SLC4A10: variants seen among roughly 807,000 people sequenced by gnomAD.
SLC4A10 encodes solute carrier family 4 member 10.
A neutral mutation model predicts 137.7 loss-of-function variants in SLC4A10; 42 were observed. The observed-to-expected ratio is 0.30, with a 90% CI of 0.24 to 0.39. The LOEUF (loss-of-function observed/expected upper bound fraction) is 0.39. Ranked by LOEUF, SLC4A10 falls within the 10% of genes least tolerant of loss-of-function variation. The pLI, the probability that SLC4A10 is intolerant of heterozygous loss-of-function variation, is 1.00. For synonymous variants in SLC4A10, 474 were observed against 464.1 expected (o/e 1.02, Z -0.27); for missense variants, 925 against 1,355.0 (o/e 0.68, Z 4.98).
At chr2:161,835,927 A>G (rs2058736343) in intron 3 of SLC4A10, among the ~76,000 whole-genome samples, 1 of 152,248 alleles carries the variant, frequency 6.6e-6, no homozygotes, top group Non-Finnish European at 1.5e-5. Context: ...TGGTTGAGGT[A>G]TATACTGTAG....
At chr2:161,823,147 C>G (rs185904493) in intron 3 of SLC4A10, among the ~76,000 whole-genome samples, 3 of 152,202 alleles carry the variant, frequency 2.0e-5, no homozygotes, top group African/African-American at 7.2e-5. Context: ...ACCATAAAAT[C>G]TACACAAATC....
In SLC4A10 at chr2:161,974,230, T is replaced by C; in HGVS notation, c.3160-19T>C. 6.3e-7 allele frequency: 1 copy of C among 1,586,510 alleles called. No individual in the cohort carries two copies. The highest frequency in any genetic ancestry group is 8.6e-7 in the Non-Finnish European group (1 of 1,165,520). Reference sequence around the variant, plus strand: ...GACTCATCAGGTTCACTTTATATACTTTACATTTGTCTTTTCAGGAAGAAC... The same window carrying C: ...GACTCATCAGGTTCACTTTATATACCTTACATTTGTCTTTTCAGGAAGAAC... On this transcript the variant is annotated intron_variant, in intron 23 of 26. Coordinates refer to ENST00000446997, the MANE Select transcript of SLC4A10 (RefSeq NM_001178015.2).
intron 15 of SLC4A10, among the ~76,000 whole-genome samples, chr2:161,915,192 C>T (rs191038565): frequency 6.6e-6 from 1 of 152,170 alleles, no homozygotes; most frequent in East Asian, 1.9e-4. Context: ...GGCAACTTGA[C>T]TTCAGAAGAG....
At chr2:161,859,669 C>T (rs1424066248) in intron 5 of SLC4A10, among the ~76,000 whole-genome samples, 2 of 133,658 alleles carry the variant, frequency 1.5e-5, no homozygotes, top group African/African-American at 2.9e-5. Flanking sequence ...GGCGCAATCT[C>T]GGCTCACTGC....
At chr2:161,826,213 C>T (rs1006992056) in intron 3 of SLC4A10, among the ~76,000 whole-genome samples, 2 of 152,068 alleles carry the variant, frequency 1.3e-5, no homozygotes, top group Non-Finnish European at 2.9e-5. Context: ...AACAGAACTA[C>T]CAAACTTGTC....
At chr2:161,927,370 A>G (rs556715304) in intron 15 of SLC4A10, among the ~76,000 whole-genome samples, 1 of 152,210 alleles carries the variant, frequency 6.6e-6, no homozygotes, top group Admixed American at 6.5e-5. Flanking sequence ...TGGCTTCTGC[A>G]TTCTTTACGT....
chr2:161,782,998 A>G (rs1184143443), intron 2 of SLC4A10, among the ~76,000 whole-genome samples: 6 of 151,866 alleles, frequency 4.0e-5, no homozygotes, highest in Non-Finnish European at 8.8e-5. Flanking sequence ...AGGACCCCCA[A>G]AAAGGAAAAC....
chr2:161,876,099 G>A (rs2061432697), intron 8 of SLC4A10, among the ~76,000 whole-genome samples: 2 of 152,140 alleles, frequency 1.3e-5, no homozygotes, highest in Admixed American at 6.5e-5. Context: ...CAAAGGCCCA[G>A]AAAGAAATCT....
intron 3 of SLC4A10, among the ~76,000 whole-genome samples, chr2:161,819,497 T>G (rs538782900): frequency 1.1e-4 from 16 of 151,056 alleles, no homozygotes; most frequent in Non-Finnish European, 2.2e-4. Flanking sequence ...CTGCTAAAAT[T>G]TCACTTTTTT....
At chr2:161,629,374 T>C (rs2033094805) in intron 1 of SLC4A10, among the ~76,000 whole-genome samples, 1 of 151,710 alleles carries the variant, frequency 6.6e-6, no homozygotes, top group Admixed American at 6.6e-5. Context: ...GTTGCATCTT[T>C]TATGGAATTA....
At chr2:161,963,135 A>G (rs1697009122) in intron 21 of SLC4A10, among the ~76,000 whole-genome samples, 1 of 152,238 alleles carries the variant, frequency 6.6e-6, no homozygotes, top group East Asian at 1.9e-4. Flanking sequence ...AAATAAAACT[A>G]TCATGCAGTA....
chr2:161,786,874 A>G (rs1184505274), intron 2 of SLC4A10, among the ~76,000 whole-genome samples: 3 of 148,594 alleles, frequency 2.0e-5, no homozygotes, highest in African/African-American at 7.5e-5. Flanking sequence ...TTCAAAGTTA[A>G]TATTGACATG....
chr2:161,837,525 G>T (rs2058893245), intron 3 of SLC4A10, among the ~76,000 whole-genome samples: 1 of 152,110 alleles, frequency 6.6e-6, no homozygotes, highest in Non-Finnish European at 1.5e-5. Flanking sequence ...TCCCTAAATT[G>T]ATCCATAGAT....
chr2:161,948,718 A>G (rs897058043), intron 17 of SLC4A10, among the ~76,000 whole-genome samples: 30 of 152,246 alleles, frequency 2.0e-4, no homozygotes, highest in African/African-American at 7.2e-4. Flanking sequence ...TTTCTTTGAT[A>G]AGAACAGATA....
intron 10 of SLC4A10, among the ~76,000 whole-genome samples, chr2:161,892,307 T>C (rs558823343): frequency 5.3e-5 from 8 of 152,142 alleles, no homozygotes; most frequent in African/African-American, 1.7e-4. Flanking sequence ...TGCTAAACTC[T>C]CATTGAGGAC....
chr2:161,927,220 T>A (rs554146274), intron 15 of SLC4A10, among the ~76,000 whole-genome samples: 1 of 152,366 alleles, frequency 6.6e-6, no homozygotes, highest in East Asian at 1.9e-4. Flanking sequence ...TTTGTTCTTT[T>A]CACATAGTCC....
chr2:161,893,663 G>T (rs1010050496), intron 10 of SLC4A10, among the ~76,000 whole-genome samples: 1 of 151,972 alleles, frequency 6.6e-6, no homozygotes, highest in African/African-American at 2.4e-5. Context: ...CTGTGCCACT[G>T]CATTCCAGCC....
At chr2:161,983,025 G>C (rs1394547453) in intron 26 of SLC4A10, among the ~76,000 whole-genome samples, 154 bp from the exon 27 acceptor site, 1 of 152,164 alleles carries the variant, frequency 6.6e-6, no homozygotes, top group African/African-American at 2.4e-5. Flanking sequence ...GATTTTAATT[G>C]TTGCTGTCTA....
intron 1 of SLC4A10, among the ~76,000 whole-genome samples, chr2:161,632,073 TCCAC>T (rs1440727240): frequency 2.0e-5 from 3 of 151,714 alleles, no homozygotes; most frequent in Non-Finnish European, 4.4e-5. Context: ...TATTTGTAAC[TCCAC>T]TTGTTCTTGC....
Sources: gnomAD v4.1 joint callset for allele counts (sites outside exome capture counted in the v4.1 genomes callset) on GRCh38, gnomAD v4.1.1 for gene constraint, MANE v1.5 for transcripts, NCBI Gene and HGNC (gene_info 2026-07-23, HGNC 2026-07-21) for gene names.